The following ELP4 variants were observed in gnomAD, a reference collection of about 807,000 sequenced individuals.
ELP4 encodes the protein elongator acetyltransferase complex subunit 4, also known as elongator complex protein 4.
A neutral mutation model predicts 48.9 loss-of-function variants in ELP4; 51 were observed. The observed-to-expected ratio is 1.04, with a 90% CI of 0.83 to 1.32. The LOEUF (loss-of-function observed/expected upper bound fraction) is 1.32, where lower values mean the gene tolerates loss of function less well. Among genes scored for constraint, ELP4 ranks in the 40% most tolerant of loss-of-function variants. ELP4 has a pLI of 0.00. For missense variants in ELP4, 519 were observed against 514.6 expected (o/e 1.01, Z -0.08); for synonymous variants, 210 against 189.2 (o/e 1.11, Z -0.90).
rs556454299 is a variant in ELP4 at position 31,548,165 on chromosome 11, G to A, written c.381+8382G>A. On this transcript the variant is annotated intron_variant, in intron 3 of 9. Coordinates refer to ENST00000640961, the MANE Select transcript of ELP4 (RefSeq NM_019040.5). Reference sequence around the variant, plus strand: ...AATTAGGCAGGAGAAGGAAATAAGGGTATTCAATTAGGAAAAGAGGAAGTC... The same window carrying A: ...AATTAGGCAGGAGAAGGAAATAAGGATATTCAATTAGGAAAAGAGGAAGTC... Among the ~76,000 whole-genome samples, 33 of 152,246 alleles carry A rather than the reference G, an allele frequency of 2.2e-4. 1 individual carries two copies. In the East Asian group the frequency reaches 6.4e-3, roughly 30 times the overall value.
chr11:31,512,505 T>C (rs1956026246), intron 1 of ELP4: 1 of 152,250 alleles, frequency 6.6e-6, no homozygotes, highest in Non-Finnish European at 1.5e-5. Context: ...ATAATGTTTT[T>C]GTTCTGACAA....
At chr11:31,753,182 G>A (rs116912659) in intron 9 of ELP4, among the ~76,000 whole-genome samples, 238 of 152,208 alleles carry the variant, frequency 1.6e-3, no homozygotes, top group South Asian at 4.0e-3. Context: ...AACTCATGTC[G>A]TCTGCTTACC....
At chr11:31,619,383 A>G (rs942323565) in intron 5 of ELP4, among the ~76,000 whole-genome samples, 7 of 152,026 alleles carry the variant, frequency 4.6e-5, no homozygotes, top group Non-Finnish European at 5.9e-5. Flanking sequence ...TCAGGCTACT[A>G]TAACAAAAAT....
At chr11:31,598,627 C>T (rs1165194041) in intron 4 of ELP4, among the ~76,000 whole-genome samples, 1 of 150,432 alleles carries the variant, frequency 6.6e-6, no homozygotes, top group African/African-American at 2.4e-5. Flanking sequence ...CCCACCTCAG[C>T]CTCACAAATA....
chr11:31,750,973 G>C (rs926397801), intron 9 of ELP4, among the ~76,000 whole-genome samples: 2 of 152,192 alleles, frequency 1.3e-5, no homozygotes, highest in African/African-American at 4.8e-5. Context: ...GAATTCTTCA[G>C]GCTCCAGTAT....
At chr11:31,688,434 T>G (rs1419124097) in intron 9 of ELP4, among the ~76,000 whole-genome samples, 1 of 152,164 alleles carries the variant, frequency 6.6e-6, no homozygotes, top group African/African-American at 2.4e-5. Context: ...AATCTAAAGA[T>G]AAACCTAATC....
intron 3 of ELP4, among the ~76,000 whole-genome samples, chr11:31,543,057 G>A (rs1021450623): frequency 1.3e-5 from 2 of 152,050 alleles, no homozygotes; most frequent in Non-Finnish European, 2.9e-5. Context: ...GAAAAGATTA[G>A]TAAATTTGAA....
At chr11:31,709,296 AG>A (rs779283339) in intron 9 of ELP4, among the ~76,000 whole-genome samples, 4 of 152,194 alleles carry the variant, frequency 2.6e-5, no homozygotes, top group Non-Finnish European at 2.9e-5. Flanking sequence ...ACTTTTAAAT[AG>A]GATTTTCAAT....
intron 9 of ELP4, among the ~76,000 whole-genome samples, chr11:31,750,127 G>A (rs1213496139): frequency 1.3e-5 from 2 of 151,892 alleles, no homozygotes; most frequent in African/African-American, 4.8e-5. Context: ...GCCTCCCAAA[G>A]TGCTGGGACT....
rs73475678 is a variant in ELP4, at chr11:31,715,993, T to C, written c.1143+65772T>C. On this transcript the variant is annotated intron_variant, in intron 9 of 9. Transcript: ENST00000640961. ...GTGATTTCATGTAATGTTAGAGATA[T>C]GTATTAGTACAAGGAGGTTTGTTTG... Among the ~76,000 whole-genome samples, 1,237 of 152,284 alleles carry C rather than the reference T, an allele frequency of 8.1e-3. 16 individuals carry two copies. The highest frequency in any genetic ancestry group is 0.029 in the African/African-American group (1,194 of 41,548).
chr11:31,768,913 A>G (rs1408980298), intron 9 of ELP4, among the ~76,000 whole-genome samples: 1 of 152,206 alleles, frequency 6.6e-6, no homozygotes, highest in Admixed American at 6.5e-5. Context: ...CTGTAATGAA[A>G]CCTGCCTTTG....
intron 2 of ELP4, among the ~76,000 whole-genome samples, chr11:31,526,170 A>G (rs1956291062): frequency 6.6e-6 from 1 of 152,176 alleles, no homozygotes; most frequent in African/African-American, 2.4e-5. Flanking sequence ...AGGTAATGAA[A>G]TTGAAGCTTT....
intron 9 of ELP4, among the ~76,000 whole-genome samples, chr11:31,694,462 C>T (rs1687289325): frequency 6.6e-6 from 1 of 152,064 alleles, no homozygotes; most frequent in Non-Finnish European, 1.5e-5. Flanking sequence ...TGTCAAAGAT[C>T]AGATAGTTGT....
At chr11:31,699,506 T>C (rs763876530) in intron 9 of ELP4, among the ~76,000 whole-genome samples, 9 of 152,102 alleles carry the variant, frequency 5.9e-5, no homozygotes, top group Non-Finnish European at 1.3e-4. Flanking sequence ...CTATTAAACC[T>C]CGAAGGAATG....
chr11:31,742,783 C>G (rs1376693301), intron 9 of ELP4, among the ~76,000 whole-genome samples: 2 of 152,130 alleles, frequency 1.3e-5, no homozygotes, highest in Admixed American at 6.5e-5. Context: ...CCAGTACGAG[C>G]CACTGCAAAA....
intron 3 of ELP4, among the ~76,000 whole-genome samples, chr11:31,593,724 T>A (rs1957627694): frequency 6.6e-6 from 1 of 152,140 alleles, no homozygotes; most frequent in Admixed American, 6.5e-5. Flanking sequence ...AATACGTATT[T>A]CCACTGGAAA....
At chr11:31,583,186 G>T (rs902922436) in intron 3 of ELP4, among the ~76,000 whole-genome samples, 1 of 152,014 alleles carries the variant, frequency 6.6e-6, no homozygotes, top group African/African-American at 2.4e-5. Context: ...GTTGTTCTTT[G>T]CTTGCTGAAG....
intron 9 of ELP4, among the ~76,000 whole-genome samples, chr11:31,756,152 C>A (rs1455698742): frequency 6.6e-6 from 1 of 152,194 alleles, no homozygotes; most frequent in Non-Finnish European, 1.5e-5. Context: ...GCCTGGATTG[C>A]TGTACTGGCC....
chr11:31,766,692 T>C (rs186816918), intron 9 of ELP4, among the ~76,000 whole-genome samples: 2 of 151,618 alleles, frequency 1.3e-5, no homozygotes, highest in East Asian at 3.9e-4. Context: ...TAGTGTTACC[T>C]GAAAATAAAT....
Sources: gnomAD v4.1 joint callset for allele counts (sites outside exome capture counted in the v4.1 genomes callset) on GRCh38, gnomAD v4.1.1 for gene constraint, MANE v1.5 for transcripts, NCBI Gene and HGNC (gene_info 2026-07-23, HGNC 2026-07-21) for gene names.